POLA1: variants seen among roughly 807,000 people sequenced by gnomAD.
POLA1 encodes DNA polymerase alpha catalytic subunit.
A neutral mutation model predicts 124.0 loss-of-function variants in POLA1; 15 were observed. That is an observed-to-expected ratio of 0.12 (90% CI 0.08 to 0.19). POLA1 has a LOEUF of 0.19. Among genes scored for constraint, POLA1 ranks in the 10% least tolerant of loss-of-function variants. The pLI, the probability that POLA1 is intolerant of heterozygous loss-of-function variation, is 1.00. For synonymous variants in POLA1, 408 were observed against 389.4 expected, an observed-to-expected ratio of 1.05 and a Z score of -0.56; for missense variants, 886 against 1,103.4, an observed-to-expected ratio of 0.80 and a Z score of 2.79.
chrX:24,982,943 C>G (rs189789462), intron 36 of POLA1, among the ~76,000 whole-genome samples: 34 of 112,081 alleles, frequency 3.0e-4, no homozygotes, highest in Non-Finnish European at 4.5e-4. Context: ...AATTTATTTA[C>G]ATTTTAAAAA....
At position 24,729,772 on chromosome X, in the gene POLA1, C is replaced by A. The variant is rs926263111; in HGVS notation, c.1686+1836C>A. ...ATTTTGTCAGTGTTTTCAGTATTTTCTGATTTTTTTTTTTAGTATGTGTTT... is the reference window on the plus strand; with the variant it reads ...ATTTTGTCAGTGTTTTCAGTATTTTATGATTTTTTTTTTTAGTATGTGTTT... On this transcript the variant is annotated intron_variant, in intron 15 of 36. Transcript: ENST00000379068. Among the ~76,000 whole-genome samples, 25 of 107,272 alleles carry A rather than the reference C, an allele frequency of 2.3e-4. No homozygotes were observed. The Middle Eastern group carries it at 0.033, about 140-fold the overall frequency. 93.2% of individuals were successfully genotyped at this position (107,272 alleles called of 115,157 possible).
At chrX:24,825,475 A>C (rs2046158367) in intron 31 of POLA1, among the ~76,000 whole-genome samples, 1 of 112,145 alleles carries the variant, frequency 8.9e-6, no homozygotes, top group Non-Finnish European at 1.9e-5. Flanking sequence ...TTCACATTAT[A>C]ATCAGTTCTG....
intron 1 of POLA1, among the ~76,000 whole-genome samples, chrX:24,696,600 G>T (rs952397242): frequency 8.9e-6 from 1 of 111,753 alleles, no homozygotes; most frequent in Non-Finnish European, 1.9e-5. Context: ...CTGGGAAAGA[G>T]CATCAACCTT....
At chrX:24,926,004 C>T (rs982559505) in intron 35 of POLA1, among the ~76,000 whole-genome samples, 1 of 110,338 alleles carries the variant, frequency 9.1e-6, no homozygotes, top group Non-Finnish European at 1.9e-5. Context: ...CGAGACCAGC[C>T]TGAGCAATAT....
intron 35 of POLA1, among the ~76,000 whole-genome samples, chrX:24,903,373 A>C (rs1205313496): frequency 8.9e-6 from 1 of 112,480 alleles, no homozygotes; most frequent in African/African-American, 3.2e-5. Context: ...AGACACTCGT[A>C]TTTTTAGAAA....
chrX:24,783,297 AG>A (rs913427976), intron 26 of POLA1, among the ~76,000 whole-genome samples: 1 of 111,820 alleles, frequency 8.9e-6, no homozygotes, highest in African/African-American at 3.3e-5. Context: ...GGTTCCTTGG[AG>A]GCAACAACCA....
At chrX:24,744,690 C>T (rs1451907396) in intron 23 of POLA1, 4 of 288,516 alleles carry the variant, frequency 1.4e-5, no homozygotes, top group South Asian at 1.0e-4. Flanking sequence ...CGGTGGCTCA[C>T]GCCTGTAATT....
rs760997065 is a variant in POLA1, at chrX:24,693,982, C to G, written c.21C>G (p.Asp7Glu). 8.4e-7 allele frequency: 1 copy of G among 1,193,778 alleles called. No individual in the cohort carries two copies. Among genetic ancestry groups the G allele is most frequent in the African/African-American group, 1.7e-5 (1 of 57,478 alleles). ...GGACCATGGCACCTGTGCACGGCGA[C>G]GACTGTGAGATAGGGGCGAGTGGTG... MAPVHG[D>E]DCEIGASALS... Residue 7 changes from aspartate to glutamate, a missense_variant, in exon 1 of 37, where the codon GAC becomes GAG. Physicochemically the swap from Asp to Glu is conservative, Grantham distance 45 (BLOSUM62 2). Around this residue, in one of 7 missense-constraint regions of POLA1, gnomAD observed 49 missense variants for 39.2 expected, o/e 1.25. Transcript: ENST00000379068.
At chrX:24,832,895 T>C (rs1338336521) in intron 32 of POLA1, among the ~76,000 whole-genome samples, 4 of 112,231 alleles carry the variant, frequency 3.6e-5, no homozygotes, top group Non-Finnish European at 7.5e-5. Context: ...GTTAAGCAAT[T>C]ACTAACTCAC....
intron 2 of POLA1, among the ~76,000 whole-genome samples, chrX:24,700,744 A>G (rs1236702126): frequency 9.0e-6 from 1 of 111,678 alleles, no homozygotes; most frequent in Non-Finnish European, 1.9e-5. Context: ...CTTGACTTCA[A>G]ATGGTCCACC....
intron 34 of POLA1, among the ~76,000 whole-genome samples, chrX:24,851,600 G>T (rs891938593): frequency 1.8e-5 from 2 of 113,175 alleles, no homozygotes; most frequent in Admixed American, 1.9e-4. Flanking sequence ...GTTGAACCTG[G>T]GGTTTCAGCG....
At chrX:24,790,864 C>G (rs1367989555) in intron 26 of POLA1, among the ~76,000 whole-genome samples, 1 of 104,028 alleles carries the variant, frequency 9.6e-6, no homozygotes, top group Non-Finnish European at 1.9e-5. Flanking sequence ...AATATGTGCA[C>G]TCATTTTACG....
At chrX:24,888,151 T>G in intron 35 of POLA1, 29 bp downstream of exon 35, 1 of 954,182 alleles carries the variant, frequency 1.0e-6, no homozygotes, top group Non-Finnish European at 1.5e-6. Context: ...TAAAGAACCA[T>G]GTAGAAGAGG....
chrX:24,968,068 A>C (rs754322195), intron 36 of POLA1, among the ~76,000 whole-genome samples: 1 of 112,104 alleles, frequency 8.9e-6, no homozygotes, highest in South Asian at 3.8e-4. Context: ...TAGTAATCTC[A>C]TCTTGTACAA....
chrX:24,900,991 T>A (rs1426749144), intron 35 of POLA1, among the ~76,000 whole-genome samples: 2 of 111,979 alleles, frequency 1.8e-5, no homozygotes, highest in East Asian at 5.6e-4. Flanking sequence ...ATGTTACTTA[T>A]CATATACTCC....
At chrX:24,837,750 C>T (rs1206209514) in intron 32 of POLA1, among the ~76,000 whole-genome samples, 2 of 111,833 alleles carry the variant, frequency 1.8e-5, no homozygotes, top group Admixed American at 1.9e-4. Context: ...TGTTAATTAG[C>T]TTCCCTCATA....
At chrX:24,736,072 A>G (rs1290447108) in intron 18 of POLA1, among the ~76,000 whole-genome samples, 1 of 111,636 alleles carries the variant, frequency 9.0e-6, no homozygotes, top group Non-Finnish European at 1.9e-5. Flanking sequence ...AGTTTGTAGA[A>G]TATGGAATTC....
At chrX:24,695,998 C>T (rs1436050722) in intron 1 of POLA1, among the ~76,000 whole-genome samples, 1 of 112,718 alleles carries the variant, frequency 8.9e-6, no homozygotes, top group Non-Finnish European at 1.9e-5. Context: ...TAAAGCTAGA[C>T]CTTGGTACTC....
intron 35 of POLA1, among the ~76,000 whole-genome samples, chrX:24,913,153 C>T (rs953091598): frequency 4.5e-5 from 5 of 112,073 alleles, no homozygotes; most frequent in Non-Finnish European, 9.4e-5. Context: ...GAATATTGCT[C>T]AGCAATATAA....
Sources: gnomAD v4.1 joint callset for allele counts (sites outside exome capture counted in the v4.1 genomes callset) on GRCh38, gnomAD v4.1.1 for gene constraint, gnomAD v4.1.1 regional missense constraint, MANE v1.5 for transcripts, NCBI Gene and HGNC (gene_info 2026-07-23, HGNC 2026-07-21) for gene names.